Variants in MOB3B observed in about 807,000 individuals in gnomAD.
The protein encoded by MOB3B is MOB kinase activator-like 2B.
Under a neutral mutation model 18.7 loss-of-function variants are expected in MOB3B, and 7 were observed. The observed-to-expected ratio is 0.37, with a 90% CI of 0.21 to 0.70. MOB3B has a LOEUF of 0.70. Ranked by LOEUF, MOB3B falls within the 30% of genes least tolerant of loss-of-function variation. The pLI, the probability that MOB3B is intolerant of heterozygous loss-of-function variation, is 0.52. For synonymous variants in MOB3B, 111 were observed against 99.9 expected (o/e 1.11, Z -0.66); for missense variants, 253 against 281.3 (o/e 0.90, Z 0.72).
intron 3 of MOB3B, among the ~76,000 whole-genome samples, chr9:27,335,058 G>C (rs1298414348): frequency 6.6e-6 from 1 of 152,168 alleles, no homozygotes; most frequent in East Asian, 1.9e-4. Flanking sequence ...GCCTGCCTTG[G>C]CCTCCCAAAT....
intron 3 of MOB3B, among the ~76,000 whole-genome samples, chr9:27,357,352 G>A (rs1277251737): frequency 6.6e-6 from 1 of 151,152 alleles, no homozygotes; most frequent in African/African-American, 2.4e-5. Flanking sequence ...CCCAGAGCTA[G>A]CCAATTCCTA....
In MOB3B at chr9:27,370,918, C is replaced by T. The variant is rs537467185; in HGVS notation, c.419-11682G>A. 3.3e-5 allele frequency among the ~76,000 whole-genome samples: 5 copies of T among 152,226 alleles called. No individual in the cohort carries two copies. The East Asian group carries it at 7.7e-4, about 24-fold the overall frequency. On this transcript the variant is annotated intron_variant, in intron 2 of 3. Transcript: ENST00000262244. ...TCTCCATGGAATTGCTATAGGCCCA[C>T]GTTTAACCAAGTCACGTCTAAGGAG...
At chr9:27,395,186 G>A (rs1393552597) in intron 2 of MOB3B, among the ~76,000 whole-genome samples, 2 of 152,100 alleles carry the variant, frequency 1.3e-5, no homozygotes, top group Non-Finnish European at 2.9e-5. Flanking sequence ...TTGATCAAAG[G>A]GTACAAAGTT....
intron 2 of MOB3B, among the ~76,000 whole-genome samples, chr9:27,444,980 C>A (rs1822668804): frequency 6.6e-6 from 1 of 152,104 alleles, no homozygotes; most frequent in African/African-American, 2.4e-5. Context: ...AACTGATATT[C>A]TAATGGATGT....
intron 3 of MOB3B, among the ~76,000 whole-genome samples, chr9:27,336,168 G>C (rs1329646982): frequency 6.6e-6 from 1 of 152,168 alleles, no homozygotes; most frequent in African/African-American, 2.4e-5. Flanking sequence ...CCAGAAATTT[G>C]AACTAACTTG....
In MOB3B at chr9:27,437,171, T is replaced by C. The variant is rs555309611; in HGVS notation, c.418+17962A>G. ...TAAGGATTTAAGATTTTATTCTGGT[T>C]GTAGTGGGAAGATACTGCACTTTAG... On this transcript the variant is annotated intron_variant, in intron 2 of 3. Transcript: ENST00000262244. Among the ~76,000 whole-genome samples the C allele has an allele frequency of 3.9e-5, 6 of 152,260 alleles. No homozygotes were observed. In the East Asian group the frequency reaches 9.7e-4, roughly 24 times the overall value.
intron 2 of MOB3B, among the ~76,000 whole-genome samples, chr9:27,420,735 C>T (rs1163824698): frequency 6.6e-6 from 1 of 150,496 alleles, no homozygotes; most frequent in Non-Finnish European, 1.5e-5. Context: ...TATGTGGGAG[C>T]TAAGCTATGA....
At chr9:27,342,613 C>T (rs192829952) in intron 3 of MOB3B, among the ~76,000 whole-genome samples, 74 of 152,306 alleles carry the variant, frequency 4.9e-4, no homozygotes, top group African/African-American at 1.5e-3. Flanking sequence ...ATTGCAGGCG[C>T]GCGCCGCCAC....
chr9:27,465,826 C>T (rs980619718), intron 1 of MOB3B, among the ~76,000 whole-genome samples: 2 of 152,200 alleles, frequency 1.3e-5, no homozygotes, highest in South Asian at 2.1e-4. Context: ...TTGGCCCTTT[C>T]GGCCACAGCT....
chr9:27,464,805 C>CA lies in MOB3B; in HGVS notation c.-198-9058dup, dbSNP rs200691027. ...CAGCAAGAGAAAAATGAGGAAGAAG[C>CA]AAAAAAAGAGACCCCTGATAAACCC... On this transcript the variant is annotated intron_variant, in intron 1 of 3. Coordinates refer to ENST00000262244, the MANE Select transcript of MOB3B (RefSeq NM_024761.5). Among the ~76,000 whole-genome samples, 991 of 151,724 alleles carry CA rather than the reference C, an allele frequency of 6.5e-3. 12 individuals carry two copies. Among genetic ancestry groups the CA allele is most frequent in the African/African-American group, 0.021 (874 of 41,362 alleles).
chr9:27,515,050 T>G (rs1203466837), intron 1 of MOB3B, among the ~76,000 whole-genome samples: 1 of 152,208 alleles, frequency 6.6e-6, no homozygotes, highest in African/African-American at 2.4e-5. Context: ...GCCTTTTGGA[T>G]GCTATAAATA....
chr9:27,423,838 T>C (rs1822290789), intron 2 of MOB3B, among the ~76,000 whole-genome samples: 1 of 152,236 alleles, frequency 6.6e-6, no homozygotes, highest in Non-Finnish European at 1.5e-5. Flanking sequence ...CTAGATCTTA[T>C]TATAAGACAG....
chr9:27,411,768 T>C (rs751958012), intron 2 of MOB3B, among the ~76,000 whole-genome samples: 5 of 152,218 alleles, frequency 3.3e-5, no homozygotes, highest in East Asian at 1.9e-4. Context: ...TATGACAATA[T>C]ACATTTGCCA....
rs534795002 is a variant in MOB3B at position 27,355,660 on chromosome 9, C to T, written c.621+3374G>A. On this transcript the variant is annotated intron_variant, in intron 3 of 3. Transcript: ENST00000262244. ...CTGCAAGCTCTGCCTCCCGGGTTCA[C>T]GCCATTCTCCTGCCTCAGCCTCCCG... is the stretch of plus-strand genomic sequence containing the variant. Among the ~76,000 whole-genome samples the T allele has an allele frequency of 9.9e-4, 149 of 151,222 alleles. 1 individual carries two copies. Among genetic ancestry groups the T allele is most frequent in the Admixed American group, 2.2e-3 (34 of 15,200 alleles).
intron 2 of MOB3B, among the ~76,000 whole-genome samples, chr9:27,412,396 C>T (rs1822084021): frequency 6.6e-6 from 1 of 152,126 alleles, no homozygotes; most frequent in Admixed American, 6.5e-5. Flanking sequence ...AAGCCCCCAC[C>T]TTTCCGGATT....
intron 1 of MOB3B, among the ~76,000 whole-genome samples, chr9:27,513,891 G>A (rs1820183304): frequency 1.9e-3 from 2 of 1,056 alleles, no homozygotes; most frequent in Admixed American, 0.033. Context: ...ACAGATGGAT[G>A]GATGGATGGA....
chr9:27,377,348 G>T (rs1433402964), intron 2 of MOB3B, among the ~76,000 whole-genome samples: 1 of 152,142 alleles, frequency 6.6e-6, no homozygotes, highest in Non-Finnish European at 1.5e-5. Context: ...AATCTCCCAG[G>T]ATGAGACGAT....
Position 27,330,497 on chromosome 9 carries a change from T to C in MOB3B, c.*90A>G. 6.4e-7 allele frequency: 1 copy of C among 1,566,408 alleles called. No individual in the cohort carries two copies. The highest frequency in any genetic ancestry group is 2.3e-5 in the East Asian group (1 of 44,140). The stretch of plus-strand genomic sequence containing the variant: ...CCTCTGCTGTTCCTGGGAGTAGGTG[T>C]GTCATTTCAGCCAGGGTGGTCCACC... On this transcript the variant is annotated 3_prime_UTR_variant, in exon 4 of 4. Coordinates refer to ENST00000262244, the MANE Select transcript of MOB3B (RefSeq NM_024761.5).
At chr9:27,427,848 G>A (rs551383466) in intron 2 of MOB3B, among the ~76,000 whole-genome samples, 2 of 152,192 alleles carry the variant, frequency 1.3e-5, no homozygotes, top group Admixed American at 1.3e-4. Flanking sequence ...TGAGGCCTTT[G>A]CTTCCCTCCC....
Sources: gnomAD v4.1 joint callset for allele counts (sites outside exome capture counted in the v4.1 genomes callset) on GRCh38, gnomAD v4.1.1 for gene constraint, MANE v1.5 for transcripts, NCBI Gene and HGNC (gene_info 2026-07-23, HGNC 2026-07-21) for gene names.